The following ZFAND3 variants were observed in gnomAD, a reference collection of about 807,000 sequenced individuals.
ZFAND3 encodes the protein zinc finger AN1-type containing 3.
ZFAND3 carries 10 observed loss-of-function variants against 29.6 expected under a neutral mutation model. That is an observed-to-expected ratio of 0.34 (90% CI 0.21 to 0.57). ZFAND3 has a LOEUF of 0.57. Among genes scored for constraint, ZFAND3 ranks in the 20% least tolerant of loss-of-function variants. ZFAND3 has a pLI of 0.86. For missense variants in ZFAND3, 230 were observed against 304.5 expected, an observed-to-expected ratio of 0.76 and a Z score of 1.82; for synonymous variants, 128 against 112.6, an observed-to-expected ratio of 1.14 and a Z score of -0.87.
At chr6:38,074,940 T>G (rs1028579781) in intron 3 of ZFAND3, among the ~76,000 whole-genome samples, 5 of 152,220 alleles carry the variant, frequency 3.3e-5, no homozygotes, top group Non-Finnish European at 5.9e-5. Context: ...TGACTGCACA[T>G]CTGTTTATAG....
intron 2 of ZFAND3, among the ~76,000 whole-genome samples, chr6:37,995,716 A>G (rs1196702378): frequency 6.6e-6 from 1 of 152,250 alleles, no homozygotes; most frequent in Non-Finnish European, 1.5e-5. Context: ...AATGAGCACA[A>G]AAAGCCCTTT....
Position 38,152,923 on chromosome 6 carries a change from G to C in ZFAND3, c.*534G>C. On this transcript the variant is annotated 3_prime_UTR_variant, in exon 6 of 6. Coordinates refer to ENST00000287218, the MANE Select transcript of ZFAND3 (RefSeq NM_021943.3). ...GATTGGCCACGTGGCTGGGCTGGGTGGTGGCCTCACTCTCCCACAGAGCTG... is the reference window on the plus strand; with the variant it reads ...GATTGGCCACGTGGCTGGGCTGGGTCGTGGCCTCACTCTCCCACAGAGCTG... 8.1e-6 allele frequency: 8 copies of C among 985,924 alleles called. No homozygotes were observed. The highest frequency in any genetic ancestry group is 8.4e-6 in the Non-Finnish European group (7 of 829,982). The allele number at this position is 985,924 out of a possible 1,614,324, so 61.1% of individuals were successfully genotyped here. A position where few individuals can be genotyped will look rare whatever the true frequency, so the allele number is the denominator to read the frequency against.
rs773666247 is a variant in ZFAND3 at position 38,131,008 on chromosome 6, T to C, written c.529+14269T>C. Among the ~76,000 whole-genome samples the C allele has an allele frequency of 1.6e-4, 24 of 152,286 alleles. No individual in the cohort carries two copies. In the South Asian group the frequency reaches 1.7e-3, roughly 11 times the overall value. On this transcript the variant is annotated intron_variant, in intron 5 of 5. Coordinates refer to ENST00000287218, the MANE Select transcript of ZFAND3 (RefSeq NM_021943.3). ...CTGCTTGTTATTGGTCTGTTCAGGG[T>C]ATCTAATTCTTCCTGATGTAAGCTA...
intron 5 of ZFAND3, among the ~76,000 whole-genome samples, chr6:38,138,233 A>C (rs1765880349): frequency 6.6e-6 from 1 of 152,194 alleles, no homozygotes; most frequent in African/African-American, 2.4e-5. Context: ...GACTCTCAAG[A>C]ATACATAAAA....
intron 2 of ZFAND3, among the ~76,000 whole-genome samples, chr6:38,023,262 A>G (rs1043951174): frequency 7.9e-5 from 12 of 152,150 alleles, no homozygotes; most frequent in African/African-American, 1.4e-4. Flanking sequence ...TGTGTGTGTA[A>G]TATGTATTTT....
chr6:38,128,770 G>A (rs936387141), intron 5 of ZFAND3, among the ~76,000 whole-genome samples: 2 of 152,110 alleles, frequency 1.3e-5, no homozygotes, highest in Admixed American at 6.5e-5. Context: ...TTGGTTCTAC[G>A]TTTTTGCAAT....
intron 1 of ZFAND3, among the ~76,000 whole-genome samples, chr6:37,926,206 G>C (rs1025775046): frequency 9.2e-5 from 14 of 152,232 alleles, no homozygotes; most frequent in African/African-American, 3.4e-4. Flanking sequence ...GCTATGATCA[G>C]ATACATAACC....
Position 38,061,637 on chromosome 6 carries a change from A to G in ZFAND3, c.157A>G (p.Ser53Gly), listed in dbSNP as rs1764241980. The G allele has an allele frequency of 6.2e-7, 1 of 1,614,112 alleles. No homozygotes were observed. The highest frequency in any genetic ancestry group is 1.3e-5 in the African/African-American group (1 of 74,940). Residue 53 changes from serine to glycine, a missense_variant, in exon 3 of 6, where the codon AGT (serine) becomes GGT (glycine). Around this residue, in one of 2 missense-constraint regions of ZFAND3, gnomAD observed 180 missense variants for 202.5 expected, o/e 0.89. Transcript: ENST00000287218. Reference protein sequence around the residue: ...QPDDDSAPSTSNSQSDLFSEE... With the variant: ...QPDDDSAPSTGNSQSDLFSEE... ...AGACGATGATTCCGCTCCAAGTACA[A>G]GTAACAGCCAATCAGATTTGTTTTC...
chr6:37,820,813 G>A (rs1017187615), intron 1 of ZFAND3, among the ~76,000 whole-genome samples: 2 of 152,164 alleles, frequency 1.3e-5, no homozygotes, highest in African/African-American at 2.4e-5. Flanking sequence ...TGGCCATCAT[G>A]TGTTAAGGCG....
intron 1 of ZFAND3, among the ~76,000 whole-genome samples, chr6:37,896,549 T>A (rs1241547890): frequency 7.7e-6 from 1 of 130,604 alleles, no homozygotes; most frequent in African/African-American, 3.4e-5. Context: ...TTTCTTTCTT[T>A]CTTTCTTTCT....
intron 2 of ZFAND3, among the ~76,000 whole-genome samples, chr6:37,985,958 G>C (rs1353861134): frequency 6.6e-6 from 1 of 152,174 alleles, no homozygotes; most frequent in Admixed American, 6.5e-5. Context: ...AGCACCTCCT[G>C]TGCTAAAAGC....
At chr6:38,095,468 C>G (rs1458380880) in intron 4 of ZFAND3, among the ~76,000 whole-genome samples, 4 of 152,036 alleles carry the variant, frequency 2.6e-5, no homozygotes, top group African/African-American at 9.7e-5. Flanking sequence ...TACGTCACCA[C>G]TTACTTCCTA....
chr6:38,072,278 A>C (rs959818319), intron 3 of ZFAND3, among the ~76,000 whole-genome samples: 1 of 152,158 alleles, frequency 6.6e-6, no homozygotes, highest in Non-Finnish European at 1.5e-5. Flanking sequence ...TGCAAGAGAG[A>C]ATACTAGCAA....
chr6:38,000,881 G>A (rs192623530), intron 2 of ZFAND3, among the ~76,000 whole-genome samples: 45 of 152,242 alleles, frequency 3.0e-4, no homozygotes, highest in Non-Finnish European at 5.4e-4. Flanking sequence ...TGAGATTTGG[G>A]TGGGGACACA....
chr6:38,032,968 C>A (rs1172160248), intron 2 of ZFAND3, among the ~76,000 whole-genome samples: 1 of 152,072 alleles, frequency 6.6e-6, no homozygotes, highest in African/African-American at 2.4e-5. Context: ...AGACCCAAGC[C>A]TTGATTGCCT....
At chr6:37,856,020 T>C (rs962715760) in intron 1 of ZFAND3, among the ~76,000 whole-genome samples, 3 of 152,014 alleles carry the variant, frequency 2.0e-5, no homozygotes, top group African/African-American at 4.8e-5. Context: ...GTTTTTTTTT[T>C]TTCTTCTTCT....
At chr6:37,893,129 C>T (rs925191376) in intron 1 of ZFAND3, among the ~76,000 whole-genome samples, 2 of 152,000 alleles carry the variant, frequency 1.3e-5, no homozygotes, top group African/African-American at 4.8e-5. Flanking sequence ...ATACCAAGAC[C>T]AAAAGTAAAG....
chr6:37,928,309 C>T (rs933294306), intron 1 of ZFAND3, among the ~76,000 whole-genome samples: 1 of 152,176 alleles, frequency 6.6e-6, no homozygotes, highest in Non-Finnish European at 1.5e-5. Context: ...AGAAGGTTGG[C>T]TTATTCTATT....
At chr6:37,998,010 G>A (rs1762880714) in intron 2 of ZFAND3, among the ~76,000 whole-genome samples, 1 of 152,154 alleles carries the variant, frequency 6.6e-6, no homozygotes, top group Non-Finnish European at 1.5e-5. Flanking sequence ...AGAAAAACCT[G>A]CATATGAATG....
Sources: gnomAD v4.1 joint callset for allele counts (sites outside exome capture counted in the v4.1 genomes callset) on GRCh38, gnomAD v4.1.1 for gene constraint, gnomAD v4.1.1 regional missense constraint, MANE v1.5 for transcripts, NCBI Gene and HGNC (gene_info 2026-07-23, HGNC 2026-07-21) for gene names.